Variants in ZNF385D observed in about 807,000 individuals in gnomAD.
ZNF385D encodes zinc finger protein 659.
A neutral mutation model predicts 35.8 loss-of-function variants in ZNF385D; 15 were observed. That is an observed-to-expected ratio of 0.42 (90% CI 0.28 to 0.64). ZNF385D has a LOEUF of 0.64. ZNF385D is among the 30% of genes least tolerant of loss of function. ZNF385D has a pLI of 0.23. For synonymous variants in ZNF385D, 212 were observed against 186.8 expected, an observed-to-expected ratio of 1.13 and a Z score of -1.10; for missense variants, 474 against 494.6, an observed-to-expected ratio of 0.96 and a Z score of 0.39.
chr3:22,124,865 G>A (rs748756507), intron 3 of ZNF385D, among the ~76,000 whole-genome samples: 11 of 152,066 alleles, frequency 7.2e-5, no homozygotes, highest in Non-Finnish European at 8.8e-5. Flanking sequence ...CATACTGTGC[G>A]TTGTTTCTTC....
chr3:22,010,749 T>C (rs1696520301), intron 3 of ZNF385D, among the ~76,000 whole-genome samples: 1 of 152,224 alleles, frequency 6.6e-6, no homozygotes, highest in Non-Finnish European at 1.5e-5. Context: ...TATCACTATC[T>C]CCTCATAAGA....
intron 2 of ZNF385D, among the ~76,000 whole-genome samples, chr3:22,277,280 G>T (rs1022151092): frequency 6.6e-6 from 1 of 152,082 alleles, no homozygotes; most frequent in Non-Finnish European, 1.5e-5. Context: ...TCAACAAATG[G>T]TTGGCAACAG....
chr3:21,773,852 A>C (rs2071179903), intron 3 of ZNF385D, among the ~76,000 whole-genome samples: 1 of 151,990 alleles, frequency 6.6e-6, no homozygotes, highest in Non-Finnish European at 1.5e-5. Flanking sequence ...ATTGTGGAAG[A>C]TGCTGTGGCA....
intron 3 of ZNF385D, among the ~76,000 whole-genome samples, chr3:21,814,175 G>A (rs1159532516): frequency 1.3e-5 from 2 of 152,190 alleles, no homozygotes; most frequent in East Asian, 3.9e-4. Flanking sequence ...CAACAGGCCT[G>A]TCTTGCAAGA....
At chr3:21,944,526 G>T (rs1222406949) in intron 3 of ZNF385D, among the ~76,000 whole-genome samples, 1 of 152,210 alleles carries the variant, frequency 6.6e-6, no homozygotes, top group Admixed American at 6.5e-5. Context: ...GCAAGGAAAG[G>T]CTTGTCGAAG....
In ZNF385D at chr3:22,173,344, G is replaced by T. The variant is rs75797150; in HGVS notation, c.107-4309C>A. 9.0e-3 allele frequency among the ~76,000 whole-genome samples: 1,371 copies of T among 152,232 alleles called. 5 individuals carry two copies. Among genetic ancestry groups the T allele is most frequent in the Non-Finnish European group, 0.016 (1,092 of 68,010 alleles). On this transcript the variant is annotated intron_variant, in intron 2 of 5. Coordinates refer to the ZNF385D transcript ENST00000494108. ...ATTAATAATAATGTATTATTAGTTC[G>T]TTAGTTGTAATAAATGTACCGTATT...
At chr3:21,511,106 C>T in intron 3 of ZNF385D, 83 bp from the exon 4 acceptor site, 1 of 1,524,646 alleles carries the variant, frequency 6.6e-7, no homozygotes, top group South Asian at 1.2e-5. Flanking sequence ...TACAGACTCC[C>T]TTTCAATAAC....
intron 2 of ZNF385D, among the ~76,000 whole-genome samples, chr3:22,266,567 A>G (rs1700906909): frequency 6.6e-6 from 1 of 151,888 alleles, no homozygotes; most frequent in Admixed American, 6.6e-5. Context: ...CACAATTAGA[A>G]AGGAGACAGG....
chr3:21,974,072 C>A (rs1422369420), intron 3 of ZNF385D, among the ~76,000 whole-genome samples: 1 of 151,616 alleles, frequency 6.6e-6, no homozygotes, highest in Non-Finnish European at 1.5e-5. Flanking sequence ...AAACATAATC[C>A]TAAAATGTAT....
chr3:21,563,541 C>T (rs1394583657), intron 3 of ZNF385D, among the ~76,000 whole-genome samples: 1 of 152,090 alleles, frequency 6.6e-6, no homozygotes, highest in East Asian at 1.9e-4. Context: ...TTTGTTTATG[C>T]CTCATCTATT....
intron 4 of ZNF385D, among the ~76,000 whole-genome samples, chr3:21,438,579 A>T (rs114664418): frequency 0.015 from 2,226 of 152,220 alleles, 44 homozygotes; most frequent in African/African-American, 0.051. Context: ...GGCATCAGAA[A>T]CACTAGTCAA....
At chr3:21,605,972 G>A (rs377036630) in intron 2 of ZNF385D, among the ~76,000 whole-genome samples, 5 of 152,148 alleles carry the variant, frequency 3.3e-5, no homozygotes, top group African/African-American at 1.2e-4. Flanking sequence ...AGACTGTGCT[G>A]GTATTCTCTG....
intron 3 of ZNF385D, among the ~76,000 whole-genome samples, chr3:21,931,664 C>T (rs1394543115): frequency 6.6e-6 from 1 of 152,062 alleles, no homozygotes; most frequent in African/African-American, 2.4e-5. Flanking sequence ...AGATGGAAAA[C>T]AGATAAATGG....
At chr3:22,357,724 T>C (rs1361709810) in intron 2 of ZNF385D, among the ~76,000 whole-genome samples, 2 of 151,870 alleles carry the variant, frequency 1.3e-5, no homozygotes, top group African/African-American at 2.4e-5. Flanking sequence ...TCTGGAGTAC[T>C]GTTTGTCTCT....
intron 2 of ZNF385D, among the ~76,000 whole-genome samples, chr3:22,202,158 C>T (rs1455284885): frequency 6.6e-6 from 1 of 152,024 alleles, no homozygotes; most frequent in African/African-American, 2.4e-5. Flanking sequence ...TCATAGTTAA[C>T]TATTACTATC....
chr3:21,574,804 A>G (rs1441598334), intron 2 of ZNF385D, among the ~76,000 whole-genome samples: 1 of 152,100 alleles, frequency 6.6e-6, no homozygotes, highest in Non-Finnish European at 1.5e-5. Flanking sequence ...ATATTCCATA[A>G]TAAGTTAATA....
chr3:21,560,640 G>A (rs1030464847), intron 3 of ZNF385D, among the ~76,000 whole-genome samples: 13 of 152,214 alleles, frequency 8.5e-5, no homozygotes, highest in Admixed American at 6.5e-4. Context: ...CACTTGAGGA[G>A]GCAGTCTGAC....
intron 3 of ZNF385D, among the ~76,000 whole-genome samples, chr3:22,067,841 G>T (rs1576257900): frequency 6.6e-6 from 1 of 152,114 alleles, no homozygotes; most frequent in Non-Finnish European, 1.5e-5. Flanking sequence ...GCCCAACATG[G>T]TGAAACCCTG....
intron 1 of ZNF385D, among the ~76,000 whole-genome samples, chr3:21,673,309 C>T (rs1404359923): frequency 6.6e-6 from 1 of 152,134 alleles, no homozygotes; most frequent in Non-Finnish European, 1.5e-5. Flanking sequence ...CTGATAGCCA[C>T]ATGGGGCTAG....
Sources: gnomAD v4.1 joint callset for allele counts (sites outside exome capture counted in the v4.1 genomes callset) on GRCh38, gnomAD v4.1.1 for gene constraint, MANE v1.5 for transcripts, NCBI Gene and HGNC (gene_info 2026-07-23, HGNC 2026-07-21) for gene names.